KIAA1958: variants seen among roughly 807,000 people sequenced by gnomAD.
KIAA1958 encodes the protein KIAA1958.
KIAA1958 carries 14 observed loss-of-function variants against 47.2 expected under a neutral mutation model. That is an observed-to-expected ratio of 0.30 (90% confidence interval 0.20 to 0.46). The LOEUF is 0.46. Ranked by LOEUF, KIAA1958 falls within the 20% of genes least tolerant of loss-of-function variation. The pLI, the probability that KIAA1958 is intolerant of heterozygous loss-of-function variation, is 1.00. For synonymous variants in KIAA1958, 354 were observed against 353.3 expected, an observed-to-expected ratio of 1.00 and a Z score of -0.02; for missense variants, 803 against 909.2, an observed-to-expected ratio of 0.88 and a Z score of 1.50.
At chr9:112,583,830 A>AG (rs1000594085) in intron 2 of KIAA1958, among the ~76,000 whole-genome samples, 2 of 152,198 alleles carry the variant, frequency 1.3e-5, no homozygotes, top group Non-Finnish European at 1.5e-5. Context: ...GTTTTCTTCG[A>AG]GGAGGGGGTA....
chr9:112,568,082 C>CACT (rs1204299279), intron 1 of KIAA1958, among the ~76,000 whole-genome samples: 1 of 149,056 alleles, frequency 6.7e-6, no homozygotes, highest in Non-Finnish European at 1.5e-5. Context: ...CACAGCAGAA[C>CACT]ACTTCATAGG....
chr9:112,495,186 T>G (rs1834031981), intron 1 of KIAA1958, among the ~76,000 whole-genome samples: 1 of 152,188 alleles, frequency 6.6e-6, no homozygotes, highest in Non-Finnish European at 1.5e-5. Context: ...GTGCTGAGAT[T>G]ACAGGCATGA....
intron 1 of KIAA1958, among the ~76,000 whole-genome samples, chr9:112,511,840 T>C (rs1362802573): frequency 6.6e-6 from 1 of 152,124 alleles, no homozygotes; most frequent in Admixed American, 6.5e-5. Flanking sequence ...CTGAGAGAGG[T>C]AATATCAATG....
chr9:112,580,449 A>G (rs952622982), intron 2 of KIAA1958, among the ~76,000 whole-genome samples: 4 of 152,152 alleles, frequency 2.6e-5, no homozygotes, highest in African/African-American at 4.8e-5. Flanking sequence ...CATATTTTAT[A>G]TATTTCTTTA....
chr9:112,494,401 A>T, intron 1 of KIAA1958, among the ~76,000 whole-genome samples: 1 of 145,904 alleles, frequency 6.9e-6, no homozygotes, highest in African/African-American at 2.5e-5. Context: ...ATTTTTTCTT[A>T]TTTTTTATAT....
At chr9:112,564,950 C>A (rs1212307242) in intron 1 of KIAA1958, among the ~76,000 whole-genome samples, 1 of 151,870 alleles carries the variant, frequency 6.6e-6, no homozygotes, top group Non-Finnish European at 1.5e-5. Flanking sequence ...TTAATTTAGT[C>A]AAATTAGAAT....
At chr9:112,537,243 C>T (rs1257968351) in intron 1 of KIAA1958, among the ~76,000 whole-genome samples, 2 of 152,082 alleles carry the variant, frequency 1.3e-5, no homozygotes, top group African/African-American at 4.8e-5. Context: ...GTAACTGGAA[C>T]TACAGGCACA....
intron 3 of KIAA1958, 68 bp downstream of exon 3, chr9:112,645,890 T>C: frequency 7.0e-7 from 1 of 1,427,894 alleles, no homozygotes; most frequent in East Asian, 2.3e-5. Context: ...GGCACTGTGC[T>C]AAGCATTGTA....
rs148970290 is a variant in KIAA1958, at chr9:112,526,715, T to C, written c.-25+39597T>C. 2.9e-3 allele frequency among the ~76,000 whole-genome samples: 438 copies of C among 152,272 alleles called. 3 individuals are homozygous for C. The highest frequency in any genetic ancestry group is 0.01 in the African/African-American group (417 of 41,536). On this transcript the variant is annotated intron_variant, in intron 1 of 3. Transcript: ENST00000337530. ...GATGGGGATAAACATGATTTTTAAA[T>C]AACAGCACCAATCACACCCATGAAG...
chr9:112,519,025 G>T (rs560485519), intron 1 of KIAA1958, among the ~76,000 whole-genome samples: 5 of 152,230 alleles, frequency 3.3e-5, no homozygotes, highest in South Asian at 2.1e-4. Flanking sequence ...GAACTCCTGG[G>T]CTCAAGCAAT....
intron 1 of KIAA1958, among the ~76,000 whole-genome samples, chr9:112,499,688 C>CTTTTTTTTTT (rs917810043): frequency 2.3e-5 from 3 of 130,502 alleles, no homozygotes; most frequent in Non-Finnish European, 3.3e-5. Flanking sequence ...ACATTTTTTT[C>CTTTTTTTTTT]TTTTTTTTTT....
chr9:112,602,623 T>C (rs930929079), intron 2 of KIAA1958, among the ~76,000 whole-genome samples: 1 of 152,146 alleles, frequency 6.6e-6, no homozygotes, highest in African/African-American at 2.4e-5. Flanking sequence ...TTCCTTATTC[T>C]GTTAGTAAGA....
At chr9:112,526,262 T>A (rs1360066561) in intron 1 of KIAA1958, among the ~76,000 whole-genome samples, 1 of 152,118 alleles carries the variant, frequency 6.6e-6, no homozygotes, top group Non-Finnish European at 1.5e-5. Context: ...GGGTAATTTT[T>A]TTTTTTCTTG....
intron 1 of KIAA1958, among the ~76,000 whole-genome samples, chr9:112,548,037 C>G (rs1333682698): frequency 9.4e-6 from 1 of 106,166 alleles, no homozygotes; most frequent in African/African-American, 3.7e-5. Flanking sequence ...GAGACAAGGT[C>G]TTGCCCTTTC....
intron 1 of KIAA1958, among the ~76,000 whole-genome samples, chr9:112,522,760 G>C (rs2034551250): frequency 6.6e-6 from 1 of 152,162 alleles, no homozygotes; most frequent in South Asian, 2.1e-4. Context: ...TGAGACTAAA[G>C]CTGGGCAAGA....
intron 2 of KIAA1958, among the ~76,000 whole-genome samples, chr9:112,630,973 GA>G: frequency 6.6e-6 from 1 of 152,268 alleles, no homozygotes; most frequent in Non-Finnish European, 1.5e-5. Flanking sequence ...CTTAAAATGT[GA>G]CAAATTTTAT....
intron 1 of KIAA1958, among the ~76,000 whole-genome samples, chr9:112,563,098 T>TATATATAA (rs1835365891): frequency 6.7e-6 from 1 of 149,532 alleles, no homozygotes; most frequent in African/African-American, 2.4e-5. Flanking sequence ...TATATATATA[T>TATATATAA]AAATTTTTTT....
chr9:112,538,412 A>G (rs1389221184), intron 1 of KIAA1958, among the ~76,000 whole-genome samples: 1 of 152,178 alleles, frequency 6.6e-6, no homozygotes, highest in Non-Finnish European at 1.5e-5. Context: ...CCTCTGGAGA[A>G]TAATGTTTAT....
At chr9:112,588,238 A>G (rs557953144) in intron 2 of KIAA1958, among the ~76,000 whole-genome samples, 7 of 152,316 alleles carry the variant, frequency 4.6e-5, no homozygotes, top group African/African-American at 1.7e-4. Context: ...TTCACAGTGT[A>G]AATATTGTTC....
Sources: gnomAD v4.1 joint callset for allele counts (sites outside exome capture counted in the v4.1 genomes callset) on GRCh38, gnomAD v4.1.1 for gene constraint, MANE v1.5 for transcripts, NCBI Gene and HGNC (gene_info 2026-07-23, HGNC 2026-07-21) for gene names.